Variants in NKAIN3 observed in about 807,000 individuals in gnomAD.
NKAIN3 encodes the protein sodium/potassium-transporting ATPase subunit beta-1-interacting protein 3.
A neutral mutation model predicts 30.2 loss-of-function variants in NKAIN3; 25 were observed. The ratio of observed to expected loss-of-function variants is 0.83; its 90% CI spans 0.60 to 1.16. NKAIN3 has a LOEUF of 1.16. NKAIN3 is among the 50% of genes most tolerant of loss of function. The pLI is 0.00. For missense variants in NKAIN3, 225 were observed against 254.1 expected, an observed-to-expected ratio of 0.89 and a Z score of 0.78; for synonymous variants, 91 against 89.6, an observed-to-expected ratio of 1.02 and a Z score of -0.09.
chr8:62,590,827 A>T (rs1338371081), intron 3 of NKAIN3, among the ~76,000 whole-genome samples: 2 of 151,764 alleles, frequency 1.3e-5, no homozygotes, highest in Non-Finnish European at 2.9e-5. Context: ...CCACTATAAT[A>T]ACTGTAATTA....
chr8:62,311,306 G>T (rs1187428730), intron 1 of NKAIN3, among the ~76,000 whole-genome samples: 1 of 150,280 alleles, frequency 6.7e-6, no homozygotes, highest in Non-Finnish European at 1.5e-5. Context: ...GGGAAGGAAA[G>T]AGTCAAAGAA....
chr8:62,896,515 T>A (rs1821433532), intron 4 of NKAIN3, among the ~76,000 whole-genome samples: 1 of 152,122 alleles, frequency 6.6e-6, no homozygotes, highest in Admixed American at 6.6e-5. Flanking sequence ...CCACCGTAAG[T>A]TTATACCAAG....
At chr8:62,391,374 A>C (rs1262026373) in intron 1 of NKAIN3, among the ~76,000 whole-genome samples, 1 of 152,140 alleles carries the variant, frequency 6.6e-6, no homozygotes, top group Non-Finnish European at 1.5e-5. Context: ...GTACTAATTT[A>C]GCTGAGAAAA....
At chr8:62,517,942 A>G (rs1231314278) in intron 1 of NKAIN3, among the ~76,000 whole-genome samples, 2 of 152,078 alleles carry the variant, frequency 1.3e-5, no homozygotes, top group African/African-American at 2.4e-5. Flanking sequence ...ATATATATCT[A>G]TATCTTCCAT....
intron 1 of NKAIN3, among the ~76,000 whole-genome samples, chr8:62,254,153 CGTGTGTGTGTGTGTGTGTGTGT>C (rs10629239): frequency 1.1e-4 from 15 of 137,044 alleles, no homozygotes; most frequent in Non-Finnish European, 1.9e-4. Flanking sequence ...GCTTGGGTAT[CGTGTGTGTGTGTGTGTGTGTGT>C]GTGTGTGTGT....
Position 62,733,360 on chromosome 8 carries a change from A to G in NKAIN3, c.274-13572A>G, listed in dbSNP as rs182879335. Among the ~76,000 whole-genome samples, 6 of 152,266 alleles carry G rather than the reference A, an allele frequency of 3.9e-5. No individual in the cohort carries two copies. The East Asian group carries it at 1.2e-3, about 29-fold the overall frequency. ...CACTTAGGAAGTTCCATTGGTGGTA[A>G]ATAGTCTAGATTTTATTTGTCTGAA... On this transcript the variant is annotated intron_variant, in intron 3 of 6. Coordinates refer to ENST00000623646, the MANE Select transcript of NKAIN3 (RefSeq NM_001304533.3).
At chr8:62,801,749 A>G (rs1269808797) in intron 4 of NKAIN3, among the ~76,000 whole-genome samples, 1 of 152,236 alleles carries the variant, frequency 6.6e-6, no homozygotes, top group Admixed American at 6.5e-5. Context: ...CTCACCAGCA[A>G]TGGAACAAAG....
intron 3 of NKAIN3, among the ~76,000 whole-genome samples, chr8:62,662,157 G>A (rs1222515604): frequency 1.3e-5 from 2 of 152,104 alleles, no homozygotes; most frequent in African/African-American, 4.8e-5. Context: ...CTTCTGTGCT[G>A]CACGAGAGCC....
At chr8:62,987,709 A>G (rs531739282), downstream of NKAIN3, among the ~76,000 whole-genome samples, 7 of 152,228 alleles carry the variant, frequency 4.6e-5, no homozygotes, top group Admixed American at 3.9e-4. Context: ...ACAATTCAAG[A>G]TGAGATTTGG....
chr8:62,906,166 C>A (rs886133524), intron 4 of NKAIN3, among the ~76,000 whole-genome samples: 2 of 152,194 alleles, frequency 1.3e-5, no homozygotes, highest in African/African-American at 4.8e-5. Context: ...GCCCTCTGCA[C>A]TGTGAATAAA....
intron 1 of NKAIN3, among the ~76,000 whole-genome samples, chr8:62,432,682 T>C (rs1209720455): frequency 6.6e-6 from 1 of 152,092 alleles, no homozygotes; most frequent in Non-Finnish European, 1.5e-5. Context: ...TTAGCCTGGA[T>C]CATGGAAATT....
intron 1 of NKAIN3, among the ~76,000 whole-genome samples, chr8:62,560,625 C>T (rs1193004441): frequency 1.3e-5 from 2 of 148,682 alleles, no homozygotes; most frequent in Admixed American, 6.8e-5. Flanking sequence ...CTACAACCTC[C>T]GCCTCCTGGG....
rs185828770 is a variant in NKAIN3, at chr8:62,968,436, T to A, written c.*3029T>A. ...ACATGGTCACTACATGCACTGTATG[T>A]TCTTGCCAAACCTCAGCTTCTCCAT... On this transcript the variant is annotated 3_prime_UTR_variant, in exon 7 of 7. Transcript: ENST00000623646. 6.6e-6 allele frequency among the ~76,000 whole-genome samples: 1 copy of A among 152,332 alleles called. No individual in the cohort carries two copies. The highest frequency in any genetic ancestry group is 6.5e-5 in the Admixed American group (1 of 15,296).
chr8:62,732,801 CA>C (rs1178100296), intron 3 of NKAIN3, among the ~76,000 whole-genome samples: 4 of 151,942 alleles, frequency 2.6e-5, no homozygotes, highest in African/African-American at 4.8e-5. Flanking sequence ...AATTATATCA[CA>C]TTTATACCTT....
intron 1 of NKAIN3, among the ~76,000 whole-genome samples, chr8:62,345,675 T>TATACACATATATATACAC (rs1815980966): frequency 6.7e-6 from 1 of 149,076 alleles, no homozygotes; most frequent in African/African-American, 2.5e-5. Context: ...ATACCTGGAA[T>TATACACATATATATACAC]ATATATACCA....
chr8:62,918,393 C>A, intron 4 of NKAIN3, 60 bp from the exon 5 acceptor site: 1 of 1,188,408 alleles, frequency 8.4e-7, no homozygotes, highest in Non-Finnish European at 1.3e-6. Flanking sequence ...ATTATATTGG[C>A]TCTTTAAGTA....
chr8:62,922,965 T>C (rs1010645865), intron 5 of NKAIN3, among the ~76,000 whole-genome samples: 1 of 152,126 alleles, frequency 6.6e-6, no homozygotes, highest in African/African-American at 2.4e-5. Flanking sequence ...TGTAACCCTA[T>C]AGTTCAGAAA....
chr8:62,578,442 G>A (rs2130054688), intron 1 of NKAIN3, among the ~76,000 whole-genome samples: 2 of 152,148 alleles, frequency 1.3e-5, no homozygotes, highest in Middle Eastern at 6.8e-3. Flanking sequence ...TTTTCTTGTA[G>A]GTATATGATC....
intron 1 of NKAIN3, among the ~76,000 whole-genome samples, chr8:62,399,764 A>G (rs949911009): frequency 9.9e-5 from 15 of 152,216 alleles, no homozygotes; most frequent in African/African-American, 3.6e-4. Flanking sequence ...TGAAAGACAT[A>G]GAAAAGCCAG....
Sources: gnomAD v4.1 joint callset for allele counts (sites outside exome capture counted in the v4.1 genomes callset) on GRCh38, gnomAD v4.1.1 for gene constraint, MANE v1.5 for transcripts, NCBI Gene and HGNC (gene_info 2026-07-23, HGNC 2026-07-21) for gene names.